The following GON4L variants were observed in gnomAD, a reference collection of about 807,000 sequenced individuals.
GON4L encodes the protein GON-4-like protein.
GON4L carries 87 observed loss-of-function variants against 211.8 expected under a neutral mutation model. The ratio of observed to expected loss-of-function variants is 0.41; its 90% CI spans 0.35 to 0.49. The LOEUF is 0.49. Ranked by LOEUF, GON4L falls within the 20% of genes least tolerant of loss-of-function variation. GON4L has a pLI of 0.15. For synonymous variants in GON4L, 875 were observed against 962.6 expected (o/e 0.91, Z 1.68); for missense variants, 2,155 against 2,659.5 (o/e 0.81, Z 4.17).
At chr1:155,804,452 A>G (rs1666957030) in intron 11 of GON4L, among the ~76,000 whole-genome samples, 2 of 151,760 alleles carry the variant, frequency 1.3e-5, no homozygotes, top group Non-Finnish European at 2.9e-5. Context: ...GCATTCAACA[A>G]TCTTAGGATT....
chr1:155,757,242 G>C lies in GON4L; in HGVS notation c.5335C>G (p.Pro1779Ala). Residue 1779 changes from proline to alanine, a missense_variant, in exon 26 of 32, where the codon CCA becomes GCA. Transcript: ENST00000368331. ...EFSIFFDHLRPAASRMGDFEE... is the reference protein window; with the variant it reads ...EFSIFFDHLRAAASRMGDFEE... ...AAGTCACCCATCCGGCTAGCTGCTG[G>C]GCGCAAGTGGTCAAAGAAGATAGAA... 6.2e-7 allele frequency: 1 copy of C among 1,613,926 alleles called. No homozygotes were observed. Among genetic ancestry groups the C allele is most frequent in the Non-Finnish European group, 8.5e-7 (1 of 1,179,872 alleles).
intron 1 of GON4L, among the ~76,000 whole-genome samples, chr1:155,854,029 A>G (rs1369028291): frequency 2.0e-5 from 3 of 152,252 alleles, no homozygotes; most frequent in Non-Finnish European, 4.4e-5. Flanking sequence ...AGGCCAAGTG[A>G]TTTAACCTCG....
chr1:155,807,730 A>AAAAAAAAAAAC (rs1395575383), intron 10 of GON4L, among the ~76,000 whole-genome samples: 5 of 143,894 alleles, frequency 3.5e-5, no homozygotes, highest in African/African-American at 7.8e-5. Flanking sequence ...AAAAAAGAAA[A>AAAAAAAAAAAC]TCAGAAAGTG....
At position 155,760,579 on chromosome 1, in the gene GON4L, T is replaced by C. The variant is rs1234829895; in HGVS notation, c.4974A>G (p.Glu1658=). 1.9e-6 allele frequency: 3 copies of C among 1,613,506 alleles called. No individual in the cohort carries two copies. The East Asian group carries it at 6.7e-5, about 36-fold the overall frequency. ...KYEDFLQVIY[E]FESSTQRRTA... is the part of the protein sequence containing the mutation. ...TCCGTCTCTGGGTACTTGACTCAAA[T>C]TCATAGATGACTTGAAGGAAGTCTT... The change falls in exon 24 of 32, where the codon GAA becomes GAG. Residue 1658 remains glutamate (E), a synonymous_variant. Coordinates refer to ENST00000368331, the MANE Select transcript of GON4L (RefSeq NM_001282860.2).
chr1:155,751,738 G>C (rs1220142317), intron 31 of GON4L, 29 bp downstream of exon 31: 1 of 1,427,498 alleles, frequency 7.0e-7, no homozygotes, highest in Admixed American at 1.9e-5. Context: ...ACCTCTTTTT[G>C]CCAGGTCTTC....
At chr1:155,753,134 G>A in intron 29 of GON4L, 70 bp downstream of exon 29, 1 of 1,177,480 alleles carries the variant, frequency 8.5e-7, no homozygotes, top group South Asian at 1.3e-5. Flanking sequence ...CCAGGCTCAT[G>A]GAGGTTCCTG....
At position 155,840,621 on chromosome 1, in the gene GON4L, G is replaced by A. The variant is rs534996928; in HGVS notation, c.505+12655C>T. ...AATCAATGTGCTTTTGAGTTACAGG[G>A]CTTTGACTCCTGGGTACAGACAGCT... On this transcript the variant is annotated intron_variant, in intron 2 of 31. Coordinates refer to ENST00000368331, the MANE Select transcript of GON4L (RefSeq NM_001282860.2). Among the ~76,000 whole-genome samples, 192 of 152,272 alleles carry A rather than the reference G, an allele frequency of 1.3e-3. 1 individual carries two copies. The highest frequency in any genetic ancestry group is 4.5e-3 in the African/African-American group (185 of 41,572).
intron 24 of GON4L, among the ~76,000 whole-genome samples, chr1:155,758,809 G>A (rs1473528855): frequency 6.6e-6 from 1 of 152,162 alleles, no homozygotes; most frequent in African/African-American, 2.4e-5. Flanking sequence ...AACCTGGGAG[G>A]CAGAGGTTGC....
At chr1:155,796,667 T>C (rs917378204) in intron 11 of GON4L, among the ~76,000 whole-genome samples, 2 of 152,152 alleles carry the variant, frequency 1.3e-5, no homozygotes, top group Non-Finnish European at 2.9e-5. Flanking sequence ...TTATTATATA[T>C]TAAGGTAATA....
At chr1:155,763,285 C>A in intron 22 of GON4L, 27 bp downstream of exon 22, 1 of 1,609,790 alleles carries the variant, frequency 6.2e-7, no homozygotes, top group Non-Finnish European at 8.5e-7. Flanking sequence ...TGAGAATGGT[C>A]CTTCAGTATA....
intron 22 of GON4L, among the ~76,000 whole-genome samples, chr1:155,762,737 T>C (rs1242774026): frequency 2.6e-5 from 4 of 152,136 alleles, no homozygotes; most frequent in Non-Finnish European, 4.4e-5. Flanking sequence ...AAGGTAACAA[T>C]CAGTTTAACA....
At position 155,753,888 on chromosome 1, in the gene GON4L, T is replaced by A. The variant is rs548376268; in HGVS notation, c.5632-474A>T. On this transcript the variant is annotated intron_variant, in intron 28 of 31. Coordinates refer to ENST00000368331, the MANE Select transcript of GON4L (RefSeq NM_001282860.2). Reference sequence around the variant, plus strand: ...CCAAGGATTTGATTTTTTTTTTTTTTAAACACGGTCTCACTCTGTCACCCA... The same window carrying A: ...CCAAGGATTTGATTTTTTTTTTTTTAAAACACGGTCTCACTCTGTCACCCA... The A allele has an allele frequency of 4.3e-3, 923 of 214,194 alleles. 8 individuals carry two copies. Among genetic ancestry groups the A allele is most frequent in the African/African-American group, 0.02 (862 of 42,646 alleles). 13.3% of individuals were successfully genotyped at this position (214,194 alleles called of 1,614,324 possible).
intron 2 of GON4L, among the ~76,000 whole-genome samples, chr1:155,850,348 C>T (rs1671661635): frequency 1.3e-5 from 2 of 152,276 alleles, no homozygotes; most frequent in African/African-American, 4.8e-5. Context: ...AAAAAAACCG[C>T]TATTCCTGTC....
At position 155,773,125 on chromosome 1, in the gene GON4L, C is replaced by T. The variant is rs1210067018; in HGVS notation, c.2436G>A (p.Val812=). 6.2e-7 allele frequency: 1 copy of T among 1,613,480 alleles called. No individual in the cohort carries two copies. Among genetic ancestry groups the T allele is most frequent in the South Asian group, 1.1e-5 (1 of 91,052 alleles). The change falls in exon 18 of 32, where the codon GTG becomes GTA. Residue 812 remains valine, a synonymous_variant. Coordinates refer to ENST00000368331, the MANE Select transcript of GON4L (RefSeq NM_001282860.2). Reference sequence around the variant, plus strand: ...GGGGATTCTTTGCCTTCAGGGAACACACTGGAAGTAACTCTGGATACATGA... The same window carrying T: ...GGGGATTCTTTGCCTTCAGGGAACATACTGGAAGTAACTCTGGATACATGA... ...KVFMYPELLP[V]CSLKAKNPQD... is the part of the protein sequence containing the mutation.
chr1:155,818,859 G>A (rs1448267062), intron 6 of GON4L, among the ~76,000 whole-genome samples: 1 of 151,902 alleles, frequency 6.6e-6, no homozygotes, highest in Non-Finnish European at 1.5e-5. Flanking sequence ...TTAGATGCGT[G>A]TGGTGGTGCA....
At chr1:155,847,238 A>G (rs1671333292) in intron 2 of GON4L, among the ~76,000 whole-genome samples, 1 of 152,132 alleles carries the variant, frequency 6.6e-6, no homozygotes, top group African/African-American at 2.4e-5. Flanking sequence ...TAAATTGTTT[A>G]CCTTGAAAGA....
chr1:155,770,023 TAAAAAAAAAAAAAAAAAAAAA>T (rs59380170), intron 19 of GON4L, among the ~76,000 whole-genome samples: 5 of 43,694 alleles, frequency 1.1e-4, no homozygotes, highest in African/African-American at 3.3e-4. Context: ...CTCCATTTCT[TAAAAAAAAAAAAAAAAAAAAA>T]AAAAAAAAAA....
rs535034817 is a variant in GON4L, at chr1:155,773,343, T to TC, written c.2351-134dup. On this transcript the variant is annotated intron_variant, in intron 17 of 31. Coordinates refer to ENST00000368331, the MANE Select transcript of GON4L (RefSeq NM_001282860.2). ...TTGATTCCCTCCCATCTGCCCACCATCCCCCCAAAAGTTTCCAGTCTTTCT... is the reference window on the plus strand; with the variant it reads ...TTGATTCCCTCCCATCTGCCCACCATCCCCCCCAAAAGTTTCCAGTCTTTCT... 224 of 972,212 alleles carry TC rather than the reference T, an allele frequency of 2.3e-4. 1 individual carries two copies. Among genetic ancestry groups the TC allele is most frequent in the Middle Eastern group, 4.5e-4 (2 of 4,450 alleles). 60.2% of individuals were successfully genotyped at this position (972,212 alleles called of 1,614,324 possible).
chr1:155,787,259 A>C (rs1202188004), intron 12 of GON4L, among the ~76,000 whole-genome samples: 1 of 152,184 alleles, frequency 6.6e-6, no homozygotes, highest in African/African-American at 2.4e-5. Context: ...GACGTGGCTT[A>C]AAAATAATGT....
Sources: allele counts gnomAD v4.1 joint callset (sites outside exome capture counted in the v4.1 genomes callset), GRCh38; gene constraint gnomAD v4.1.1; transcripts MANE v1.5; gene names NCBI Gene and HGNC (gene_info 2026-07-23, HGNC 2026-07-21).